The following NCF2 variants were observed in gnomAD, a reference collection of about 807,000 sequenced individuals.
NCF2 encodes the protein neutrophil cytosol factor 2.
A neutral mutation model predicts 70.9 loss-of-function variants in NCF2; 45 were observed. The ratio of observed to expected loss-of-function variants is 0.63; its 90% CI spans 0.50 to 0.81. The LOEUF is 0.81. Among genes scored for constraint, NCF2 ranks in the 40% least tolerant of loss-of-function variants. The probability of loss-of-function intolerance (pLI) is 0.00; values close to 1 mark genes in which losing one functional copy is unlikely to be tolerated. For synonymous variants in NCF2, 203 were observed against 233.6 expected, an observed-to-expected ratio of 0.87 and a Z score of 1.19; for missense variants, 522 against 631.6, an observed-to-expected ratio of 0.83 and a Z score of 1.86.
chr1:183,599,431 T>TTTCTTTCC, the NCF2 span, among the ~76,000 whole-genome samples: 1 of 87,672 alleles, frequency 1.1e-5, no homozygotes, highest in Non-Finnish European at 2.6e-5. Flanking sequence ...TCCTTCTTTC[T>TTTCTTTCC]TTCTTTCTTT....
chr1:183,567,526 G>A, intron 7 of NCF2, 181 bp from the exon 8 acceptor site: 1 of 810,224 alleles, frequency 1.2e-6, no homozygotes, highest in Non-Finnish European at 2.1e-6. Flanking sequence ...AGAAACTGGT[G>A]TACACCTGCT....
intron 2 of NCF2, among the ~76,000 whole-genome samples, chr1:183,583,962 G>T (rs1168809157): frequency 6.6e-6 from 1 of 152,224 alleles, no homozygotes; most frequent in Non-Finnish European, 1.5e-5. Context: ...GGAAGTGACT[G>T]CAGTAGTCCT....
intron 5 of NCF2, among the ~76,000 whole-genome samples, chr1:183,572,016 G>A (rs1210154117): frequency 6.6e-6 from 1 of 152,070 alleles, no homozygotes; most frequent in African/African-American, 2.4e-5. Context: ...ATATTTGGAG[G>A]GCTTCCACTC....
At chr1:183,594,765 G>A (rs112406283), upstream of NCF2, among the ~76,000 whole-genome samples, 122 of 149,866 alleles carry the variant, frequency 8.1e-4, 1 homozygote, top group African/African-American at 2.9e-3. Flanking sequence ...TATTCAGCTG[G>A]AAGCCAAGAA....
chr1:183,567,383 T>TCAAGATAGA, intron 7 of NCF2, 38 bp from the exon 8 acceptor site: 1 of 1,612,422 alleles, frequency 6.2e-7, no homozygotes, highest in East Asian at 2.2e-5. Flanking sequence ...CCCCATCCCC[T>TCAAGATAGA]CACATGATGC....
At chr1:183,582,699 G>A (rs780880666) in intron 2 of NCF2, among the ~76,000 whole-genome samples, 6 of 152,206 alleles carry the variant, frequency 3.9e-5, no homozygotes, top group Non-Finnish European at 7.3e-5. Flanking sequence ...CAAGTCAGCA[G>A]GAAGAAGGCT....
chr1:183,582,722 C>A (rs1285547722), intron 2 of NCF2, among the ~76,000 whole-genome samples: 1 of 152,216 alleles, frequency 6.6e-6, no homozygotes, highest in Non-Finnish European at 1.5e-5. Context: ...GCTATGGAGC[C>A]TCTTTAAGCC....
At chr1:183,597,417 G>T in the NCF2 span, among the ~76,000 whole-genome samples, 1 of 152,080 alleles carries the variant, frequency 6.6e-6, no homozygotes, top group African/African-American at 2.4e-5. Context: ...AAAGCGGAGG[G>T]GGCACAGAAG....
chr1:183,564,359 C>T (rs1412252964), intron 10 of NCF2, among the ~76,000 whole-genome samples: 2 of 152,130 alleles, frequency 1.3e-5, no homozygotes, highest in East Asian at 1.9e-4. Flanking sequence ...CAATGAAAAT[C>T]GGAGTGCAAG....
intron 5 of NCF2, among the ~76,000 whole-genome samples, chr1:183,572,278 G>A (rs898357251): frequency 1.3e-5 from 2 of 152,190 alleles, no homozygotes; most frequent in Non-Finnish European, 2.9e-5. Flanking sequence ...TCCACCACCC[G>A]GATTCAAGCG....
At chr1:183,598,312 A>G in the NCF2 span, 1 of 152,350 alleles carries the variant, frequency 6.6e-6, no homozygotes, top group Admixed American at 6.5e-5. Flanking sequence ...TGAAAAATAG[A>G]TGTAAGCCCC....
intron 14 of NCF2, among the ~76,000 whole-genome samples, chr1:183,557,219 C>G (rs1239270499): frequency 1.3e-5 from 2 of 152,208 alleles, no homozygotes; most frequent in African/African-American, 4.8e-5. Flanking sequence ...CAAAGCCCAC[C>G]TACCTGACCA....
At chr1:183,577,042 C>T (rs1672828582) in intron 3 of NCF2, among the ~76,000 whole-genome samples, 1 of 152,194 alleles carries the variant, frequency 6.6e-6, no homozygotes, top group African/African-American at 2.4e-5. Context: ...GTGCCTTGAG[C>T]TGTTCTTTGA....
At chr1:183,573,538 G>A (rs1672664219) in intron 4 of NCF2, among the ~76,000 whole-genome samples, 1 of 152,124 alleles carries the variant, frequency 6.6e-6, no homozygotes, top group Non-Finnish European at 1.5e-5. Context: ...TTTTCCCAGA[G>A]GAACTGCTCC....
intron 7 of NCF2, among the ~76,000 whole-genome samples, chr1:183,567,962 TGGAACGTGTGACTGAGAGGCTGGTGTTCA>T (rs1431162846): frequency 6.6e-6 from 1 of 152,146 alleles, no homozygotes; most frequent in Non-Finnish European, 1.5e-5. Context: ...GGCATCACTT[TGGAACGTGTGACTGAGAGGCTGGTGTTCA>T]GGTTTCAGGC....
upstream of NCF2, among the ~76,000 whole-genome samples, chr1:183,592,355 T>A (rs1047528196): frequency 2.6e-5 from 4 of 152,238 alleles, no homozygotes; most frequent in Non-Finnish European, 5.9e-5. Context: ...CCAGTTTAAA[T>A]GTCACCAACT....
upstream of NCF2, among the ~76,000 whole-genome samples, chr1:183,592,337 T>A (rs1673691444): frequency 6.6e-6 from 1 of 152,242 alleles, no homozygotes; most frequent in South Asian, 2.1e-4. Flanking sequence ...CTACTCATCT[T>A]TCAAAGCCCA....
upstream of NCF2, among the ~76,000 whole-genome samples, chr1:183,591,112 T>G (rs1030553915): frequency 6.6e-6 from 1 of 152,176 alleles, no homozygotes; most frequent in African/African-American, 2.4e-5. Context: ...GCATCCCCTC[T>G]CCACTGAAAG....
At chr1:183,560,886 G>A (rs1672015343) in intron 13 of NCF2, among the ~76,000 whole-genome samples, 2 of 152,212 alleles carry the variant, frequency 1.3e-5, no homozygotes, top group South Asian at 4.1e-4. Flanking sequence ...TGGGGACAGA[G>A]CCCTAAGTCA....
Sources: allele counts gnomAD v4.1 joint callset (sites outside exome capture counted in the v4.1 genomes callset), GRCh38; gene constraint gnomAD v4.1.1; transcripts MANE v1.5; gene names NCBI Gene and HGNC (gene_info 2026-07-23, HGNC 2026-07-21).